Variants in PDE1C observed in about 807,000 individuals in gnomAD.
PDE1C encodes phosphodiesterase 1C.
PDE1C carries 62 observed loss-of-function variants against 93.1 expected under a neutral mutation model. The ratio of observed to expected loss-of-function variants is 0.67; its 90% CI spans 0.54 to 0.82. The LOEUF is 0.82. PDE1C is among the 40% of genes least tolerant of loss of function. PDE1C has a pLI of 0.00. For missense variants in PDE1C, 742 were observed against 884.6 expected, an observed-to-expected ratio of 0.84 and a Z score of 2.04; for synonymous variants, 325 against 310.1, an observed-to-expected ratio of 1.05 and a Z score of -0.50.
intron 2 of PDE1C, among the ~76,000 whole-genome samples, chr7:32,180,840 C>T (rs1216223398): frequency 6.6e-6 from 1 of 152,206 alleles, no homozygotes; most frequent in Non-Finnish European, 1.5e-5. Flanking sequence ...GTCTCACACA[C>T]TGCTGCTTTC....
At chr7:31,772,415 G>T (rs1194280955) in intron 17 of PDE1C, among the ~76,000 whole-genome samples, 1 of 151,748 alleles carries the variant, frequency 6.6e-6, no homozygotes, top group African/African-American at 2.4e-5. Flanking sequence ...AGCACTTTTA[G>T]TCCCTTTTGC....
chr7:32,071,947 C>T (rs1468628851), upstream of PDE1C, among the ~76,000 whole-genome samples: 3 of 152,098 alleles, frequency 2.0e-5, no homozygotes, highest in Non-Finnish European at 1.5e-5. Flanking sequence ...TATTTTTCCT[C>T]AATGACAGGT....
chr7:31,854,736 A>G (rs1412103083), intron 7 of PDE1C, among the ~76,000 whole-genome samples: 1 of 152,148 alleles, frequency 6.6e-6, no homozygotes, highest in Non-Finnish European at 1.5e-5. Flanking sequence ...TTAGTTTTCC[A>G]TGCTACCTTA....
At chr7:31,642,574 C>G in the PDE1C span, 64 of 991,374 alleles carry the variant, frequency 6.5e-5, no homozygotes, top group Non-Finnish European at 8.2e-5. Flanking sequence ...GATGTTGCAA[C>G]CCTTATCTCC....
chr7:31,661,576 G>A, the PDE1C span, among the ~76,000 whole-genome samples: 6 of 152,072 alleles, frequency 3.9e-5, no homozygotes, highest in Non-Finnish European at 8.8e-5. Flanking sequence ...AGCCAGGCAT[G>A]GTGGCACGTG....
chr7:31,940,562 T>C (rs1805681344), intron 2 of PDE1C, among the ~76,000 whole-genome samples: 1 of 151,742 alleles, frequency 6.6e-6, no homozygotes, highest in African/African-American at 2.4e-5. Flanking sequence ...GCAGGAGAAG[T>C]AAAAGGGACA....
the PDE1C span, among the ~76,000 whole-genome samples, chr7:31,646,262 G>A: frequency 2.0e-5 from 3 of 152,178 alleles, no homozygotes; most frequent in African/African-American, 4.8e-5. Flanking sequence ...TGACTGGTCA[G>A]TAGCACAGCC....
the PDE1C span, among the ~76,000 whole-genome samples, chr7:31,678,718 A>T: frequency 6.6e-6 from 1 of 152,176 alleles, no homozygotes; most frequent in Middle Eastern, 3.2e-3. Flanking sequence ...TTCTGAGGTC[A>T]CCAAAAGTAT....
At chr7:32,278,914 A>C (rs564384989) in intron 1 of PDE1C, among the ~76,000 whole-genome samples, 1 of 152,338 alleles carries the variant, frequency 6.6e-6, no homozygotes, top group East Asian at 1.9e-4. Context: ...ACTCAATAAA[A>C]ACTGGAGTGA....
intron 2 of PDE1C, among the ~76,000 whole-genome samples, chr7:31,882,083 A>G (rs1797323051): frequency 6.6e-6 from 1 of 152,198 alleles, no homozygotes; most frequent in African/African-American, 2.4e-5. Flanking sequence ...ATAAAGAATG[A>G]GAAAAAATCT....
intron 2 of PDE1C, among the ~76,000 whole-genome samples, chr7:31,883,846 C>A (rs2128883997): frequency 6.6e-6 from 1 of 152,356 alleles, no homozygotes; most frequent in East Asian, 1.9e-4. Context: ...AGCAGAAAAT[C>A]AGCCATTCAG....
At chr7:31,776,296 C>A (rs112304475) in intron 16 of PDE1C, among the ~76,000 whole-genome samples, 2 of 152,142 alleles carry the variant, frequency 1.3e-5, no homozygotes, top group African/African-American at 4.8e-5. Flanking sequence ...ACAACAATTG[C>A]GTCGAAGTGT....
At chr7:32,162,906 A>G (rs1802007564) in intron 3 of PDE1C, among the ~76,000 whole-genome samples, 1 of 152,138 alleles carries the variant, frequency 6.6e-6, no homozygotes, top group Admixed American at 6.5e-5. Context: ...TCTACCTCAT[A>G]TATACTTGGT....
rs2128085725 is a variant in PDE1C at position 32,362,743 on chromosome 7, C to A, written c.310+65079G>T. ...AGCAGATGTCACGGTGAGAAAGCAT[C>A]CTCACCAGAAGCAGCCCACGATGCC... On this transcript the variant is annotated intron_variant, in intron 1 of 1. Coordinates refer to the PDE1C transcript ENST00000672256. Among the ~76,000 whole-genome samples, 2 of 152,308 alleles carry A rather than the reference C, an allele frequency of 1.3e-5. 1 individual carries two copies. Among genetic ancestry groups the A allele is most frequent in the South Asian group, 4.1e-4 (2 of 4,834 alleles).
At chr7:31,919,491 G>A (rs1251856887) in intron 2 of PDE1C, among the ~76,000 whole-genome samples, 1 of 151,998 alleles carries the variant, frequency 6.6e-6, no homozygotes, top group Admixed American at 6.5e-5. Context: ...TATTGAGAAA[G>A]GTAGTTGAGG....
At position 32,415,929 on chromosome 7, in the gene PDE1C, G is replaced by A. The variant is rs191700391; in HGVS notation, c.310+11893C>T. Among the ~76,000 whole-genome samples the A allele has an allele frequency of 4.0e-3, 604 of 152,348 alleles. 3 individuals are homozygous for A. The highest frequency in any genetic ancestry group is 0.014 in the African/African-American group (575 of 41,586). On this transcript the variant is annotated intron_variant, in intron 1 of 1. Coordinates refer to the PDE1C transcript ENST00000672256. ...GAATTGAGCAGGAGCTGGTTCTTAG[G>A]GAAAGGAGCTGAGAATTCTGAAAGG... is the stretch of plus-strand genomic sequence containing the variant.
intron 3 of PDE1C, among the ~76,000 whole-genome samples, chr7:32,131,757 C>T (rs1340249798): frequency 6.6e-6 from 1 of 152,156 alleles, no homozygotes; most frequent in African/African-American, 2.4e-5. Context: ...AATGATTTCA[C>T]ATTCATTTCT....
intron 3 of PDE1C, among the ~76,000 whole-genome samples, chr7:32,136,889 T>A (rs1424056164): frequency 2.0e-5 from 3 of 152,234 alleles, no homozygotes; most frequent in Admixed American, 6.5e-5. Flanking sequence ...AGTTCACTTG[T>A]TTAACTGAAG....
At chr7:32,002,618 A>G (rs1785623518) in intron 2 of PDE1C, among the ~76,000 whole-genome samples, 1 of 152,212 alleles carries the variant, frequency 6.6e-6, no homozygotes, top group African/African-American at 2.4e-5. Context: ...CAGTATTATT[A>G]AACAAAAACC....
Sources: allele counts gnomAD v4.1 joint callset (sites outside exome capture counted in the v4.1 genomes callset), GRCh38; gene constraint gnomAD v4.1.1; transcripts MANE v1.5; gene names NCBI Gene and HGNC (gene_info 2026-07-23, HGNC 2026-07-21).